INSYN2B: variants seen among roughly 807,000 people sequenced by gnomAD.
The protein encoded by INSYN2B is inhibitory synaptic factor family member 2B.
In INSYN2B, 16 loss-of-function variants were observed where a neutral mutation model predicts 41.2. That is an observed-to-expected ratio of 0.39 (90% confidence interval 0.26 to 0.59). The LOEUF (loss-of-function observed/expected upper bound fraction) is 0.59, where lower values mean the gene tolerates loss of function less well. INSYN2B is among the 20% of genes least tolerant of loss of function. INSYN2B has a pLI of 0.57. For synonymous variants in INSYN2B, 245 were observed against 244.4 expected (o/e 1.00, Z -0.02); for missense variants, 608 against 646.4 (o/e 0.94, Z 0.64).
intron 1 of INSYN2B, among the ~76,000 whole-genome samples, chr5:169,930,740 G>T (rs1454666671): frequency 1.3e-5 from 2 of 152,228 alleles, no homozygotes; most frequent in Non-Finnish European, 2.9e-5. Context: ...TTCGCCCTTT[G>T]AGAGTCGGGT....
chr5:169,968,281 C>A (rs1271445963), intron 1 of INSYN2B, among the ~76,000 whole-genome samples: 1 of 152,124 alleles, frequency 6.6e-6, no homozygotes, highest in African/African-American at 2.4e-5. Context: ...GCTGAGAAGA[C>A]CTTTGTCCTT....
At chr5:169,888,813 T>C (rs913156246) in intron 1 of INSYN2B, among the ~76,000 whole-genome samples, 1 of 152,234 alleles carries the variant, frequency 6.6e-6, no homozygotes, top group Non-Finnish European at 1.5e-5. Context: ...AGAACCCAGC[T>C]GGTAGCCATG....
intron 1 of INSYN2B, among the ~76,000 whole-genome samples, chr5:169,951,105 G>A (rs1221497078): frequency 3.3e-5 from 5 of 152,088 alleles, no homozygotes; most frequent in South Asian, 2.1e-4. Context: ...TCTGGGACAC[G>A]GTCCCCACCA....
At chr5:169,975,377 C>T (rs1777678738) in intron 1 of INSYN2B, among the ~76,000 whole-genome samples, 2 of 152,170 alleles carry the variant, frequency 1.3e-5, no homozygotes, top group African/African-American at 4.8e-5. Flanking sequence ...AATGGCTTCT[C>T]TTTGTACTTA....
chr5:169,904,566 C>T (rs534216064), intron 1 of INSYN2B, among the ~76,000 whole-genome samples: 12 of 152,018 alleles, frequency 7.9e-5, no homozygotes, highest in Non-Finnish European at 1.8e-4. Flanking sequence ...AGAGTGCTGG[C>T]GACCTCAGCA....
rs1771283940 is a variant in INSYN2B, at chr5:169,862,723, C to T, written c.*1550G>A. Among the ~76,000 whole-genome samples, 1 of 152,190 alleles carries T rather than the reference C, an allele frequency of 6.6e-6. No individual in the cohort carries two copies. Among genetic ancestry groups the T allele is most frequent in the South Asian group, 2.1e-4 (1 of 4,834 alleles). On this transcript the variant is annotated 3_prime_UTR_variant, in exon 4 of 4. Transcript: ENST00000377365. ...AAGCTGATATTCCTTGCCAAATTTC[C>T]CTTTCATTCTCACTGAAATAGCTTT...
intron 1 of INSYN2B, among the ~76,000 whole-genome samples, chr5:169,955,098 G>C (rs1228993220): frequency 6.6e-6 from 1 of 152,204 alleles, no homozygotes; most frequent in African/African-American, 2.4e-5. Context: ...CTGAAGCAAG[G>C]CAACCCCATA....
chr5:169,914,648 C>A (rs895296155), intron 1 of INSYN2B, among the ~76,000 whole-genome samples: 1 of 152,186 alleles, frequency 6.6e-6, no homozygotes, highest in Non-Finnish European at 1.5e-5. Flanking sequence ...TAGAAAACAA[C>A]CTGGATTTCT....
intron 3 of INSYN2B, among the ~76,000 whole-genome samples, chr5:169,880,189 G>A (rs1772557755): frequency 6.6e-6 from 1 of 152,198 alleles, no homozygotes; most frequent in South Asian, 2.1e-4. Context: ...GAGGTGAAAG[G>A]CATTTATCTG....
At chr5:169,867,760 C>T (rs987150534) in intron 3 of INSYN2B, among the ~76,000 whole-genome samples, 1 of 152,158 alleles carries the variant, frequency 6.6e-6, no homozygotes, top group South Asian at 2.1e-4. Context: ...GGAGGCATCA[C>T]CTGGTACTGC....
chr5:169,973,119 C>T (rs1777587084), intron 1 of INSYN2B, among the ~76,000 whole-genome samples: 1 of 152,170 alleles, frequency 6.6e-6, no homozygotes, highest in African/African-American at 2.4e-5. Flanking sequence ...TCCTTTTATC[C>T]ACAAAGTAAT....
chr5:169,883,743 A>G lies in INSYN2B; in HGVS notation c.156T>C (p.Ala52=). 6.4e-7 allele frequency: 1 copy of G among 1,551,622 alleles called. No individual in the cohort carries two copies. The highest frequency in any genetic ancestry group is 1.2e-5 in the South Asian group (1 of 84,056). ...DGTTKNPTGL[A]EVDVQTPEDP... is the part of the protein sequence containing the mutation. ...CTTCTGGAGTTTGGACGTCAACCTC[A>G]GCTAGGCCAGTTGGATTCTTAGTGG... Residue 52 remains alanine, a synonymous_variant, in exon 2 of 4, where the codon GCT becomes GCC. Transcript: ENST00000377365.
intron 1 of INSYN2B, 82 bp from the exon 2 acceptor site, chr5:169,884,898 C>G (rs1230332968): frequency 6.6e-6 from 1 of 152,166 alleles, no homozygotes; most frequent in South Asian, 2.1e-4. Flanking sequence ...AACTTCCTAG[C>G]TGAGTATTTT....
intron 1 of INSYN2B, among the ~76,000 whole-genome samples, chr5:169,925,246 G>A (rs1368850459): frequency 1.3e-5 from 2 of 152,160 alleles, no homozygotes; most frequent in Non-Finnish European, 2.9e-5. Flanking sequence ...TATCTGTAAA[G>A]TGGAGAAGTC....
intron 1 of INSYN2B, among the ~76,000 whole-genome samples, chr5:169,921,202 T>C (rs565228188): frequency 6.6e-6 from 1 of 152,218 alleles, no homozygotes; most frequent in Non-Finnish European, 1.5e-5. Context: ...AAATTGTGTT[T>C]GTGTTTGTGA....
rs1006694666 is a variant in INSYN2B at position 169,979,505 on chromosome 5, G to C, written c.-919+772C>G. Among the ~76,000 whole-genome samples, 21 of 152,272 alleles carry C rather than the reference G, an allele frequency of 1.4e-4. No homozygotes were observed. In the South Asian group the frequency reaches 1.5e-3, roughly 11 times the overall value. On this transcript the variant is annotated intron_variant, in intron 1 of 3. Coordinates refer to ENST00000377365, the MANE Select transcript of INSYN2B (RefSeq NM_001129891.3). The stretch of plus-strand genomic sequence containing the variant: ...GTTTTTAAAATCCAAATGACAGAAA[G>C]GAGACTTTTCTGAATATGAAGCTGC...
chr5:169,883,431 A>G lies in INSYN2B; in HGVS notation c.468T>C (p.His156=), dbSNP rs751425136. Residue 156 remains histidine, a synonymous_variant, in exon 2 of 4, where the codon CAT becomes CAC. Coordinates refer to ENST00000377365, the MANE Select transcript of INSYN2B (RefSeq NM_001129891.3). Reference sequence around the variant, plus strand: ...TGACCCTTCGAGGCCCATCCTCAAGATGCTGAGCCAACCTTAAGTAGGCAA... The same window carrying G: ...TGACCCTTCGAGGCCCATCCTCAAGGTGCTGAGCCAACCTTAAGTAGGCAA... ...SDLAYLRLAQ[H]LEDGPRRVKV... The G allele has an allele frequency of 8.4e-6, 13 of 1,551,566 alleles. No homozygotes were observed. The highest frequency in any genetic ancestry group is 1.0e-5 in the Non-Finnish European group (12 of 1,146,980).
intron 1 of INSYN2B, among the ~76,000 whole-genome samples, chr5:169,937,089 C>G (rs569634537): frequency 6.6e-6 from 1 of 152,286 alleles, no homozygotes; most frequent in East Asian, 1.9e-4. Context: ...GTGACTCCTT[C>G]AACAAACTTC....
chr5:169,905,384 TG>T (rs1774221149), intron 1 of INSYN2B, among the ~76,000 whole-genome samples: 1 of 151,962 alleles, frequency 6.6e-6, no homozygotes, highest in Non-Finnish European at 1.5e-5. Context: ...TAAAATCATC[TG>T]GGGGCAAACC....
Sources: allele counts gnomAD v4.1 joint callset (sites outside exome capture counted in the v4.1 genomes callset), GRCh38; gene constraint gnomAD v4.1.1; transcripts MANE v1.5; gene names NCBI Gene and HGNC (gene_info 2026-07-23, HGNC 2026-07-21).